Variants in BRD4 observed in about 807,000 individuals in gnomAD.
BRD4 encodes bromodomain-containing protein 4.
Under a neutral mutation model 142.1 loss-of-function variants are expected in BRD4, and 16 were observed. That is an observed-to-expected ratio of 0.11 (90% CI 0.08 to 0.17). The LOEUF (loss-of-function observed/expected upper bound fraction) is 0.17. Ranked by LOEUF, BRD4 falls within the 10% of genes least tolerant of loss-of-function variation. BRD4 has a pLI of 1.00. For synonymous variants in BRD4, 833 were observed against 707.5 expected, an observed-to-expected ratio of 1.18 and a Z score of -2.82; for missense variants, 1,424 against 1,810.9, an observed-to-expected ratio of 0.79 and a Z score of 3.88.
chr19:15,249,456 C>A (rs1448220986), intron 11 of BRD4, among the ~76,000 whole-genome samples: 1 of 152,104 alleles, frequency 6.6e-6, no homozygotes, highest in Non-Finnish European at 1.5e-5. Context: ...GCCTGGCTAA[C>A]CCTGGGTAGG....
At chr19:15,290,886 G>A (rs189718503) in intron 1 of BRD4, among the ~76,000 whole-genome samples, 8 of 152,194 alleles carry the variant, frequency 5.3e-5, no homozygotes, top group Non-Finnish European at 2.9e-5. Context: ...TCAACCCAAG[G>A]AAACATTTGA....
intron 1 of BRD4, among the ~76,000 whole-genome samples, chr19:15,320,217 A>G (rs918839479): frequency 3.8e-4 from 58 of 152,166 alleles, no homozygotes; most frequent in African/African-American, 1.4e-3. Flanking sequence ...TAAAGGAATA[A>G]TATTTCCAAC....
chr19:15,304,219 G>A (rs1458284010), intron 1 of BRD4, among the ~76,000 whole-genome samples: 1 of 152,120 alleles, frequency 6.6e-6, no homozygotes, highest in African/African-American at 2.4e-5. Flanking sequence ...CAGGTCCCCC[G>A]GATCTCCAGC....
chr19:15,290,133 A>T (rs1323881061), intron 1 of BRD4, among the ~76,000 whole-genome samples: 1 of 152,168 alleles, frequency 6.6e-6, no homozygotes, highest in Non-Finnish European at 1.5e-5. Flanking sequence ...GAAACCCAGA[A>T]AATGAAATCC....
chr19:15,300,782 C>G (rs1439510307), intron 1 of BRD4, among the ~76,000 whole-genome samples: 1 of 152,104 alleles, frequency 6.6e-6, no homozygotes, highest in East Asian at 1.9e-4. Context: ...CTGACAATAC[C>G]AAGTGCTAGT....
chr19:15,328,930 T>C (rs2048133039), intron 1 of BRD4, among the ~76,000 whole-genome samples: 1 of 152,192 alleles, frequency 6.6e-6, no homozygotes, highest in Non-Finnish European at 1.5e-5. Context: ...TGCGCCACTA[T>C]GCCCGGCTAA....
rs760526679 is a variant in BRD4, at chr19:15,255,562, C to T, written c.1782G>A (p.Lys594=). The T allele has an allele frequency of 6.2e-7, 1 of 1,609,518 alleles. No homozygotes were observed. The highest frequency in any genetic ancestry group is 1.7e-5 in the Admixed American group (1 of 59,938). The change falls in exon 10 of 20, where the codon AAG becomes AAA. Residue 594 remains lysine, a synonymous_variant. Coordinates refer to ENST00000679869, the MANE Select transcript of BRD4 (RefSeq NM_001379291.1). ...SKKEPAPMKS[K]PPPTYESEEE... ...CCTCCGACTCATACGTGGGAGGGGG[C>T]TTGCTCTTCATGGGCGCTGGCTCCT...
intron 11 of BRD4, chr19:15,246,505 A>C (rs2047287766): frequency 6.6e-6 from 1 of 152,546 alleles, no homozygotes; most frequent in Middle Eastern, 3.4e-3. Context: ...GACTAGGAGA[A>C]GCCTCAGGGA....
chr19:15,238,647 C>A lies in BRD4; in HGVS notation c.4020+96G>T. 6.9e-7 allele frequency: 1 copy of A among 1,454,672 alleles called. No individual in the cohort carries two copies. Among genetic ancestry groups the A allele is most frequent in the Admixed American group, 2.7e-5 (1 of 36,482 alleles). The allele number at this position is 1,454,672 out of a possible 1,614,324, so 90.1% of individuals were successfully genotyped here. A position where few individuals can be genotyped will look rare whatever the true frequency, so the allele number is the denominator to read the frequency against. On this transcript the variant is annotated intron_variant, in intron 19 of 19. Transcript: ENST00000679869. This position sits in a 1 kb window ranked among gnomAD's most constrained non-coding sequence, Gnocchi z 7.2. Reference sequence around the variant, plus strand: ...GCCGACCAGCAGGGACGGGGCTCCCCCGCTGCCCCTCCCTGTCCAGGCTCC... The same window carrying A: ...GCCGACCAGCAGGGACGGGGCTCCCACGCTGCCCCTCCCTGTCCAGGCTCC...
chr19:15,278,030 T>C (rs1336136999), intron 1 of BRD4, among the ~76,000 whole-genome samples: 1 of 130,268 alleles, frequency 7.7e-6, no homozygotes. Context: ...GGTGTGAACC[T>C]GGGAGGTGGA....
chr19:15,277,872 C>T (rs913817384), intron 1 of BRD4, among the ~76,000 whole-genome samples: 4 of 151,634 alleles, frequency 2.6e-5, no homozygotes, highest in South Asian at 2.1e-4. Context: ...TTTGGGAGGC[C>T]GAGGCAGGCG....
At chr19:15,267,801 T>A (rs919841188) in intron 3 of BRD4, among the ~76,000 whole-genome samples, 1 of 152,212 alleles carries the variant, frequency 6.6e-6, no homozygotes, top group Admixed American at 6.5e-5. Context: ...CTCTGGCCTA[T>A]CTGAGAAGCC....
chr19:15,281,389 AG>A (rs1347680534), intron 1 of BRD4, among the ~76,000 whole-genome samples: 1 of 152,164 alleles, frequency 6.6e-6, no homozygotes, highest in Non-Finnish European at 1.5e-5. Context: ...TCCCCACTGG[AG>A]GGGACACAGG....
chr19:15,261,023 C>T (rs959783614), intron 7 of BRD4, among the ~76,000 whole-genome samples: 3 of 152,160 alleles, frequency 2.0e-5, no homozygotes, highest in Non-Finnish European at 2.9e-5. Flanking sequence ...CTGCTGAGTT[C>T]TTCCTATGAG....
chr19:15,302,403 G>C (rs559545043), intron 1 of BRD4, among the ~76,000 whole-genome samples: 2 of 152,092 alleles, frequency 1.3e-5, no homozygotes, highest in Non-Finnish European at 2.9e-5. Context: ...TCTCAGCCTT[G>C]TGTTTCCTGT....
chr19:15,304,983 C>T (rs2047901290), intron 1 of BRD4, among the ~76,000 whole-genome samples: 1 of 149,388 alleles, frequency 6.7e-6, no homozygotes, highest in Admixed American at 6.7e-5. Flanking sequence ...AACCGTAAAA[C>T]AAAGATTCAT....
At chr19:15,304,952 C>T (rs1415303632) in intron 1 of BRD4, among the ~76,000 whole-genome samples, 1 of 151,450 alleles carries the variant, frequency 6.6e-6, no homozygotes, top group Non-Finnish European at 1.5e-5. Flanking sequence ...TATTTCACTT[C>T]AGGATAGTGT....
chr19:15,295,982 T>C (rs1299387401), intron 1 of BRD4, among the ~76,000 whole-genome samples: 3 of 148,774 alleles, frequency 2.0e-5, no homozygotes, highest in Non-Finnish European at 4.4e-5. Flanking sequence ...CAAAAAAAAC[T>C]GTCTTTGTTC....
At chr19:15,313,408 C>T (rs1398107541) in intron 1 of BRD4, among the ~76,000 whole-genome samples, 1 of 138,222 alleles carries the variant, frequency 7.2e-6, no homozygotes, top group African/African-American at 2.7e-5. Flanking sequence ...AGCGGTGGCT[C>T]ATGCCTGTAA....
Sources: allele counts gnomAD v4.1 joint callset (sites outside exome capture counted in the v4.1 genomes callset), GRCh38; gene constraint gnomAD v4.1.1; non-coding constraint Gnocchi (gnomAD v3.1); transcripts MANE v1.5; gene names NCBI Gene and HGNC (gene_info 2026-07-23, HGNC 2026-07-21).